The following CAMK4 variants were observed in gnomAD, a reference collection of about 807,000 sequenced individuals.
The protein encoded by CAMK4 is calcium/calmodulin-dependent protein kinase type IV.
A neutral mutation model predicts 44.9 loss-of-function variants in CAMK4; 22 were observed. The ratio of observed to expected loss-of-function variants is 0.49; its 90% confidence interval spans 0.35 to 0.70. The LOEUF (loss-of-function observed/expected upper bound fraction) is 0.70. CAMK4 is among the 30% of genes least tolerant of loss of function. The pLI is 0.01. For synonymous variants in CAMK4, 218 were observed against 215.4 expected (o/e 1.01, Z -0.11); for missense variants, 498 against 586.8 (o/e 0.85, Z 1.56).
chr5:111,461,813 TAAAAAAAAAA>T, intron 7 of CAMK4, among the ~76,000 whole-genome samples: 1 of 69,170 alleles, frequency 1.4e-5, no homozygotes, highest in African/African-American at 4.9e-5. Flanking sequence ...GCCTCTATAG[TAAAAAAAAAA>T]AAAAAAAAAA....
intron 2 of CAMK4, among the ~76,000 whole-genome samples, chr5:111,358,330 T>G (rs1750452517): frequency 6.6e-6 from 1 of 152,044 alleles, no homozygotes; most frequent in Non-Finnish European, 1.5e-5. Context: ...ACTCTTTGTC[T>G]TAGTGGTAGG....
rs536454334 is a variant in CAMK4, at chr5:111,250,681, C to A, written c.161+26037C>A. On this transcript the variant is annotated intron_variant, in intron 1 of 10. Coordinates refer to ENST00000282356, the MANE Select transcript of CAMK4 (RefSeq NM_001744.6). The stretch of plus-strand genomic sequence containing the variant: ...TCTTACCTAGATCCTGTTTTACCAT[C>A]TTTCTTCTTCCTCTCTCAGTTTTCC... 2.6e-5 allele frequency among the ~76,000 whole-genome samples: 4 copies of A among 152,264 alleles called. No homozygotes were observed. The East Asian group carries it at 7.7e-4, about 29-fold the overall frequency.
intron 1 of CAMK4, among the ~76,000 whole-genome samples, chr5:111,314,832 A>G (rs1748353577): frequency 6.6e-6 from 1 of 152,110 alleles, no homozygotes; most frequent in Admixed American, 6.6e-5. Flanking sequence ...TGTTGTTTAA[A>G]ATAATCCAGA....
At chr5:111,444,666 C>T (rs912629273) in intron 5 of CAMK4, among the ~76,000 whole-genome samples, 13 of 152,274 alleles carry the variant, frequency 8.5e-5, no homozygotes, top group African/African-American at 2.6e-4. Flanking sequence ...CCCCAAATCA[C>T]GAAGCCATCT....
intron 4 of CAMK4, among the ~76,000 whole-genome samples, chr5:111,385,236 T>G (rs1013249033): frequency 6.6e-6 from 1 of 152,076 alleles, no homozygotes; most frequent in African/African-American, 2.4e-5. Context: ...TAAGTATTCA[T>G]GTGGGGATGA....
At chr5:111,255,968 C>T (rs1242809970) in intron 1 of CAMK4, among the ~76,000 whole-genome samples, 1 of 152,078 alleles carries the variant, frequency 6.6e-6, no homozygotes, top group Non-Finnish European at 1.5e-5. Context: ...GGTCAGTTTC[C>T]TTATATTTAG....
chr5:111,331,472 C>G (rs921107053), intron 1 of CAMK4, among the ~76,000 whole-genome samples: 5 of 151,724 alleles, frequency 3.3e-5, no homozygotes, highest in African/African-American at 1.2e-4. Flanking sequence ...AACTCTCATA[C>G]CCTGCTTGTG....
At chr5:111,332,899 A>G (rs528153976) in intron 1 of CAMK4, among the ~76,000 whole-genome samples, 1 of 151,818 alleles carries the variant, frequency 6.6e-6, no homozygotes, top group African/African-American at 2.4e-5. Flanking sequence ...AAAAACCGAA[A>G]TGTCCATCAA....
chr5:111,325,147 G>A (rs1318796940), intron 1 of CAMK4, among the ~76,000 whole-genome samples: 1 of 151,780 alleles, frequency 6.6e-6, no homozygotes, highest in Non-Finnish European at 1.5e-5. Flanking sequence ...ATAGCTTCCA[G>A]CTTCATCCAT....
rs1334551675 is a variant in CAMK4 at position 111,491,392 on chromosome 5, T to G, written c.*6926T>G. 1 of 152,074 alleles carries G rather than the reference T, an allele frequency of 6.6e-6. No individual in the cohort carries two copies. Among genetic ancestry groups the G allele is most frequent in the East Asian group, 1.9e-4 (1 of 5,196 alleles). The allele number at this position is 152,074 out of a possible 1,614,324, so 9.4% of individuals were successfully genotyped here. ...TTTTCATGGCACCCCAATGCCTTTT[T>G]GGTGACTTGCAGGAATACAGATTCC... is the stretch of plus-strand genomic sequence containing the variant. On this transcript the variant is annotated 3_prime_UTR_variant, in exon 11 of 11. Transcript: ENST00000282356.
chr5:111,469,175 ATATATAT>A (rs1754973181), intron 7 of CAMK4, among the ~76,000 whole-genome samples: 5 of 28,470 alleles, frequency 1.8e-4, no homozygotes, highest in East Asian at 6.8e-4. Flanking sequence ...AAAAAAAAAT[ATATATAT>A]ATATATATAT....
Position 111,484,224 on chromosome 5 carries a change from CTGA to C in CAMK4, c.1184_1186del (p.Met395del). 6.2e-7 allele frequency: 1 copy of C among 1,613,998 alleles called. No individual in the cohort carries two copies. The highest frequency in any genetic ancestry group is 8.5e-7 in the Non-Finnish European group (1 of 1,179,960). On this transcript the variant is annotated inframe_deletion, in exon 11 of 11. Coordinates refer to ENST00000282356, the MANE Select transcript of CAMK4 (RefSeq NM_001744.6). This position sits in a 1 kb window ranked among gnomAD's most constrained non-coding sequence, Gnocchi z 5.3. The stretch of plus-strand genomic sequence containing the variant: ...CGCAGTTAAGGGGGCACAGGCTGAG[CTGA>C]TGAAGGTGCAAGCCTTAGAGAAAGT...
At chr5:111,264,246 T>G (rs1233750231) in intron 1 of CAMK4, among the ~76,000 whole-genome samples, 1 of 152,130 alleles carries the variant, frequency 6.6e-6, no homozygotes, top group Non-Finnish European at 1.5e-5. Context: ...TTTGTTGGTG[T>G]GATTTGCAGT....
At chr5:111,393,354 C>T (rs901490599) in intron 4 of CAMK4, among the ~76,000 whole-genome samples, 1 of 152,246 alleles carries the variant, frequency 6.6e-6, no homozygotes, top group Non-Finnish European at 1.5e-5. Flanking sequence ...GTAGAGAGGG[C>T]AGGAAATAGC....
intron 5 of CAMK4, among the ~76,000 whole-genome samples, chr5:111,430,492 G>A (rs1376762011): frequency 8.5e-5 from 13 of 152,090 alleles, no homozygotes; most frequent in Admixed American, 2.0e-4. Context: ...GATATAAAGC[G>A]TATCCAGTGT....
At position 111,487,532 on chromosome 5, in the gene CAMK4, T is replaced by C. The variant is rs1311820076; in HGVS notation, c.*3066T>C. 1 of 152,190 alleles carries C rather than the reference T, an allele frequency of 6.6e-6. No homozygotes were observed. Among genetic ancestry groups the C allele is most frequent in the Non-Finnish European group, 1.5e-5 (1 of 68,028 alleles). The allele number at this position is 152,190 out of a possible 1,614,324, so 9.4% of individuals were successfully genotyped here. ...TGCAAGCACATGTCATTTAAGATTT[T>C]CTATTAGTCACATTTTAAGAAAAAT... On this transcript the variant is annotated 3_prime_UTR_variant, in exon 11 of 11. Coordinates refer to ENST00000282356, the MANE Select transcript of CAMK4 (RefSeq NM_001744.6).
chr5:111,351,449 A>G (rs1399858115), intron 2 of CAMK4, among the ~76,000 whole-genome samples: 1 of 150,080 alleles, frequency 6.7e-6, no homozygotes, highest in Non-Finnish European at 1.5e-5. Context: ...TTTGTTGTAC[A>G]TGCTGGAGTG....
At chr5:111,313,964 A>G (rs1748315856) in intron 1 of CAMK4, among the ~76,000 whole-genome samples, 1 of 152,102 alleles carries the variant, frequency 6.6e-6, no homozygotes, top group African/African-American at 2.4e-5. Flanking sequence ...GGTATATCGA[A>G]TTATAGGAGT....
In CAMK4 at chr5:111,399,792, C is replaced by T. The variant is rs76355738; in HGVS notation, c.459+5010C>T. 5.9e-3 allele frequency among the ~76,000 whole-genome samples: 891 copies of T among 152,278 alleles called. 9 individuals are homozygous for T. The highest frequency in any genetic ancestry group is 0.02 in the African/African-American group (823 of 41,566). On this transcript the variant is annotated intron_variant, in intron 5 of 10. Transcript: ENST00000282356. ...CCTGTCATTCAAAACTCACCTTCCT[C>T]GGTATGTTCTTTCTTTACCTCTGTC...
Sources: allele counts gnomAD v4.1 joint callset (sites outside exome capture counted in the v4.1 genomes callset), GRCh38; gene constraint gnomAD v4.1.1; non-coding constraint Gnocchi (gnomAD v3.1); transcripts MANE v1.5; gene names NCBI Gene and HGNC (gene_info 2026-07-23, HGNC 2026-07-21).